CACNA1A: variants seen among roughly 807,000 people sequenced by gnomAD.
The protein encoded by CACNA1A is voltage-dependent P/Q-type calcium channel subunit alpha-1A.
A neutral mutation model predicts 262.4 loss-of-function variants in CACNA1A; 57 were observed. The ratio of observed to expected loss-of-function variants is 0.22; its 90% CI spans 0.18 to 0.27. The LOEUF is 0.27. CACNA1A is among the 10% of genes least tolerant of loss of function. The pLI is 1.00. For missense variants in CACNA1A, 2,526 were observed against 3,562.8 expected (o/e 0.71, Z 7.41); for synonymous variants, 1,431 against 1,419.3 (o/e 1.01, Z -0.18).
At chr19:13,232,163 TTCTCTC>T (rs753960873) in intron 34 of CACNA1A, among the ~76,000 whole-genome samples, 1 of 151,856 alleles carries the variant, frequency 6.6e-6, no homozygotes, top group Non-Finnish European at 1.5e-5. Flanking sequence ...TTTCTTTTCC[TTCTCTC>T]TCTCTTTCTT....
chr19:13,292,352 C>T (rs1040855010), intron 19 of CACNA1A, among the ~76,000 whole-genome samples: 2 of 151,988 alleles, frequency 1.3e-5, no homozygotes, highest in Non-Finnish European at 2.9e-5. Flanking sequence ...GTAGCTCGCT[C>T]CTGTAATCCC....
chr19:13,284,527 C>A (rs964812951), intron 21 of CACNA1A: 1 of 152,272 alleles, frequency 6.6e-6, no homozygotes, highest in Non-Finnish European at 1.5e-5. Flanking sequence ...CGAGCCACTA[C>A]GACATTCATG....
At chr19:13,322,662 G>A (rs191650094) in intron 10 of CACNA1A, among the ~76,000 whole-genome samples, 17 of 151,600 alleles carry the variant, frequency 1.1e-4, no homozygotes, top group Admixed American at 2.0e-4. Flanking sequence ...GTGGCATGAC[G>A]TCTGCTCACT....
At chr19:13,437,691 CAAAAA>C (rs35266881) in intron 3 of CACNA1A, among the ~76,000 whole-genome samples, 1 of 64,924 alleles carries the variant, frequency 1.5e-5, no homozygotes, top group Admixed American at 1.9e-4. Flanking sequence ...AACCCCATCT[CAAAAA>C]AAAAAAAAAA....
intron 3 of CACNA1A, among the ~76,000 whole-genome samples, chr19:13,420,841 T>A (rs1318788741): frequency 6.6e-6 from 1 of 152,160 alleles, no homozygotes; most frequent in East Asian, 1.9e-4. Context: ...ATAGGTCCTG[T>A]TTGACAATTT....
intron 1 of CACNA1A, among the ~76,000 whole-genome samples, chr19:13,488,204 G>A (rs1250469281): frequency 6.6e-6 from 1 of 151,922 alleles, no homozygotes; most frequent in African/African-American, 2.4e-5. Context: ...GCTTGCCCAA[G>A]GTCACACAGC....
intron 34 of CACNA1A, among the ~76,000 whole-genome samples, chr19:13,234,350 CAAA>C (rs71168693): frequency 9.8e-5 from 7 of 71,242 alleles, no homozygotes; most frequent in Middle Eastern, 0.014. Context: ...ACTCCATCTC[CAAA>C]AAAAAAAAAA....
intron 36 of CACNA1A, among the ~76,000 whole-genome samples, chr19:13,228,314 G>A (rs10405121): frequency 0.38 from 57,528 of 149,922 alleles, 11,495 homozygotes; most frequent in Middle Eastern, 0.53. Context: ...GGGGAGGAGG[G>A]CTAGGGGCTT....
At chr19:13,239,265 A>C (rs980843468) in intron 31 of CACNA1A, among the ~76,000 whole-genome samples, 3 of 151,588 alleles carry the variant, frequency 2.0e-5, no homozygotes, top group Non-Finnish European at 4.4e-5. Context: ...TCTTTGCATC[A>C]GCCACATTCC....
At chr19:13,324,589 A>C (rs2058316722) in intron 10 of CACNA1A, among the ~76,000 whole-genome samples, 1 of 152,170 alleles carries the variant, frequency 6.6e-6, no homozygotes, top group Non-Finnish European at 1.5e-5. Context: ...GCTGCAAATA[A>C]ATTAATAAAA....
chr19:13,390,867 T>C (rs1285437796), intron 3 of CACNA1A, among the ~76,000 whole-genome samples: 1 of 152,102 alleles, frequency 6.6e-6, no homozygotes, highest in Non-Finnish European at 1.5e-5. Context: ...GGATGTAAGG[T>C]TTGGTTCCCG....
intron 9 of CACNA1A, among the ~76,000 whole-genome samples, chr19:13,331,519 G>A (rs150217158): frequency 0.081 from 12,390 of 152,154 alleles, 731 homozygotes; most frequent in East Asian, 0.36. Context: ...TTACAGGCAT[G>A]AGCCACCACG....
intron 38 of CACNA1A, among the ~76,000 whole-genome samples, chr19:13,222,203 G>A (rs979650923): frequency 3.3e-5 from 5 of 152,048 alleles, no homozygotes; most frequent in South Asian, 4.2e-4. Flanking sequence ...CACGACACCC[G>A]GCTAATTTTT....
At chr19:13,374,010 G>A (rs928991678) in intron 3 of CACNA1A, among the ~76,000 whole-genome samples, 1 of 152,198 alleles carries the variant, frequency 6.6e-6, no homozygotes, top group South Asian at 2.1e-4. Flanking sequence ...CAGGGCCTGG[G>A]ATACCCCCTA....
Position 13,209,579 on chromosome 19 carries a change from G to T in CACNA1A, c.6340-81C>A, listed in dbSNP as rs748073696. On this transcript the variant is annotated intron_variant, in intron 44 of 46. Transcript: ENST00000360228. ...CGGTCCTTCCTGCCCCATTGTGGCA[G>T]CCTGGTGGTGGCCTTCGGTGACTGC... The T allele has an allele frequency of 1.1e-4, 119 of 1,105,454 alleles. 1 individual carries two copies. The highest frequency in any genetic ancestry group is 1.2e-4 in the Non-Finnish European group (104 of 856,434). 68.5% of individuals were successfully genotyped at this position (1,105,454 alleles called of 1,614,324 possible).
intron 24 of CACNA1A, among the ~76,000 whole-genome samples, chr19:13,266,658 C>T (rs1437842619): frequency 2.0e-5 from 3 of 152,174 alleles, no homozygotes; most frequent in African/African-American, 7.2e-5. Context: ...ACTGCAACCT[C>T]CACCTCCCAG....
At chr19:13,251,508 A>G (rs940488656) in intron 30 of CACNA1A, among the ~76,000 whole-genome samples, 15 of 152,236 alleles carry the variant, frequency 9.9e-5, no homozygotes, top group Middle Eastern at 3.4e-3. Context: ...AACAACAAAA[A>G]AACACTGAGT....
Position 13,466,877 on chromosome 19 carries a change from ATTAT to A in CACNA1A, c.294-11669_294-11666del, listed in dbSNP as rs59575263. Among the ~76,000 whole-genome samples, 99 of 142,586 alleles carry A rather than the reference ATTAT, an allele frequency of 6.9e-4. 1 individual carries two copies. The highest frequency in any genetic ancestry group is 5.2e-3 in the South Asian group (23 of 4,396). The allele number at this position is 142,586 out of a possible 152,430, so 93.5% of individuals were successfully genotyped here. ...CCTTCCCTCTCTCTTTTAAATTTCCATTATTTATTTATTTATTTATTTATTTATT... is the reference window on the plus strand; with the variant it reads ...CCTTCCCTCTCTCTTTTAAATTTCCATTATTTATTTATTTATTTATTTATT... On this transcript the variant is annotated intron_variant, in intron 1 of 46. Coordinates refer to ENST00000360228, the MANE Select transcript of CACNA1A (RefSeq NM_001127222.2).
In CACNA1A at chr19:13,395,820, A is replaced by G. The variant is rs372834680; in HGVS notation, c.540-24041T>C. ...TGCATGCTGAGAGAGACCAAGGAGA[A>G]CCAAGAGAGCCCCCCCTCCATTCCA... On this transcript the variant is annotated intron_variant, in intron 3 of 46. Transcript: ENST00000360228. Among the ~76,000 whole-genome samples the G allele has an allele frequency of 1.4e-4, 22 of 151,864 alleles. 1 individual carries two copies. In the South Asian group the frequency reaches 4.6e-3, roughly 32 times the overall value.
Sources: allele counts gnomAD v4.1 joint callset (sites outside exome capture counted in the v4.1 genomes callset), GRCh38; gene constraint gnomAD v4.1.1; transcripts MANE v1.5; gene names NCBI Gene and HGNC (gene_info 2026-07-23, HGNC 2026-07-21).